KCNIP4: variants seen among roughly 807,000 people sequenced by gnomAD.
KCNIP4 encodes the protein Kv channel-interacting protein 4.
A neutral mutation model predicts 34.0 loss-of-function variants in KCNIP4; 12 were observed. That is an observed-to-expected ratio of 0.35 (90% CI 0.23 to 0.57). The LOEUF (loss-of-function observed/expected upper bound fraction) is 0.57. Ranked by LOEUF, KCNIP4 falls within the 20% of genes least tolerant of loss-of-function variation. KCNIP4 has a pLI of 0.83. For synonymous variants in KCNIP4, 124 were observed against 102.2 expected, an observed-to-expected ratio of 1.21 and a Z score of -1.29; for missense variants, 238 against 311.7, an observed-to-expected ratio of 0.76 and a Z score of 1.78.
At chr4:21,247,019 C>T (rs897809665) in intron 1 of KCNIP4, among the ~76,000 whole-genome samples, 2 of 152,046 alleles carry the variant, frequency 1.3e-5, no homozygotes, top group African/African-American at 4.8e-5. Context: ...GATTATATTG[C>T]TAATATCCTG....
intron 1 of KCNIP4, among the ~76,000 whole-genome samples, chr4:21,118,789 A>C (rs997224764): frequency 1.3e-5 from 2 of 151,582 alleles, no homozygotes; most frequent in Non-Finnish European, 2.9e-5. Context: ...GGAAGGGGGA[A>C]GGCAGAATGA....
intron 1 of KCNIP4, among the ~76,000 whole-genome samples, chr4:21,302,357 A>G (rs2109245353): frequency 6.6e-6 from 1 of 152,356 alleles, no homozygotes; most frequent in Middle Eastern, 3.4e-3. Context: ...CATCCATGAA[A>G]TGAGATGAAA....
intron 1 of KCNIP4, among the ~76,000 whole-genome samples, chr4:21,486,774 T>C (rs1267004186): frequency 2.6e-5 from 4 of 152,178 alleles, no homozygotes; most frequent in African/African-American, 9.6e-5. Flanking sequence ...CATTTTATAT[T>C]GCTATGGCAC....
intron 1 of KCNIP4, among the ~76,000 whole-genome samples, chr4:21,415,502 A>G (rs1314625102): frequency 4.0e-5 from 6 of 151,066 alleles, no homozygotes; most frequent in Non-Finnish European, 1.5e-5. Context: ...GACCAGCCTG[A>G]CCAACATGGC....
chr4:21,478,741 T>G (rs930398828), intron 1 of KCNIP4, among the ~76,000 whole-genome samples: 3 of 152,192 alleles, frequency 2.0e-5, no homozygotes, highest in African/African-American at 4.8e-5. Context: ...AATTTCGGAA[T>G]AGGTTTCTCA....
At chr4:20,754,903 C>G (rs1466526224) in intron 4 of KCNIP4, among the ~76,000 whole-genome samples, 1 of 152,082 alleles carries the variant, frequency 6.6e-6, no homozygotes, top group East Asian at 1.9e-4. Flanking sequence ...TGCATTGGTG[C>G]TTTGATATTA....
At chr4:21,203,285 C>T (rs139244912) in intron 1 of KCNIP4, among the ~76,000 whole-genome samples, 51 of 152,238 alleles carry the variant, frequency 3.4e-4, no homozygotes, top group African/African-American at 1.1e-3. Context: ...CAGAGTGAAC[C>T]GCTCAAAGTC....
At chr4:20,844,543 G>C (rs577146244) in intron 3 of KCNIP4, among the ~76,000 whole-genome samples, 1 of 152,114 alleles carries the variant, frequency 6.6e-6, no homozygotes. Context: ...CTATGAAAGC[G>C]TTCAAGAATA....
intron 1 of KCNIP4, among the ~76,000 whole-genome samples, chr4:21,766,643 C>A (rs944492982): frequency 2.0e-5 from 3 of 152,146 alleles, no homozygotes; most frequent in African/African-American, 7.2e-5. Flanking sequence ...AGTCTTCCCA[C>A]AATTTCATAA....
intron 3 of KCNIP4, among the ~76,000 whole-genome samples, chr4:20,768,568 G>GT (rs1307699681): frequency 6.6e-6 from 1 of 152,156 alleles, no homozygotes; most frequent in Non-Finnish European, 1.5e-5. Context: ...ATGCCCAGGT[G>GT]TTTGAACTCC....
At chr4:21,668,886 G>T (rs2109003821) in intron 1 of KCNIP4, among the ~76,000 whole-genome samples, 1 of 152,028 alleles carries the variant, frequency 6.6e-6, no homozygotes, top group African/African-American at 2.4e-5. Context: ...AACTGCATGG[G>T]CCCACTTGCG....
intron 1 of KCNIP4, chr4:21,316,342 G>T (rs1428821376): frequency 6.6e-6 from 1 of 152,116 alleles, no homozygotes; most frequent in African/African-American, 2.4e-5. Context: ...AAATGAAGGA[G>T]GAATGGAAAG....
rs1008944300 is a variant in KCNIP4 at position 20,863,918 on chromosome 4, GCTCT to G, written c.164-13255_164-13252del. Among the ~76,000 whole-genome samples, 131 of 151,804 alleles carry G rather than the reference GCTCT, an allele frequency of 8.6e-4. 1 individual carries two copies. The highest frequency in any genetic ancestry group is 2.4e-4 in the Non-Finnish European group (16 of 67,900). ...TATTTATAGCATTTGTTTTGTGTAA[GCTCT>G]CTCTTTCATGAGTGTATATGTATAT... On this transcript the variant is annotated intron_variant, in intron 2 of 8. Coordinates refer to ENST00000382152, the MANE Select transcript of KCNIP4 (RefSeq NM_025221.6).
intron 1 of KCNIP4, among the ~76,000 whole-genome samples, chr4:21,143,525 C>T (rs2109218704): frequency 6.6e-6 from 1 of 152,152 alleles, no homozygotes; most frequent in East Asian, 1.9e-4. Context: ...TGATTTTGGC[C>T]TTATGAAACC....
intron 1 of KCNIP4, among the ~76,000 whole-genome samples, chr4:21,830,575 G>C (rs1441779183): frequency 6.6e-6 from 1 of 152,094 alleles, no homozygotes; most frequent in Non-Finnish European, 1.5e-5. Flanking sequence ...TCAGGAAGCT[G>C]TGGCTGGAGA....
intron 1 of KCNIP4, among the ~76,000 whole-genome samples, chr4:21,594,544 G>C (rs1041965624): frequency 6.6e-6 from 1 of 151,986 alleles, no homozygotes; most frequent in Admixed American, 6.6e-5. Context: ...GTAAGTCTTT[G>C]GTAAATAGAA....
At chr4:20,985,831 A>G (rs907530183) in intron 1 of KCNIP4, among the ~76,000 whole-genome samples, 1 of 152,204 alleles carries the variant, frequency 6.6e-6, no homozygotes, top group Non-Finnish European at 1.5e-5. Flanking sequence ...GTAACTGTCC[A>G]TAATGGTAAC....
intron 1 of KCNIP4, among the ~76,000 whole-genome samples, chr4:21,579,534 C>T (rs1368277109): frequency 6.6e-6 from 1 of 151,960 alleles, no homozygotes; most frequent in Non-Finnish European, 1.5e-5. Flanking sequence ...TCTATATATC[C>T]ATTCATGCAT....
chr4:21,423,195 G>A (rs1424651460), intron 1 of KCNIP4, among the ~76,000 whole-genome samples: 3 of 152,114 alleles, frequency 2.0e-5, no homozygotes, highest in Admixed American at 6.5e-5. Context: ...TAGGTAGGAG[G>A]AAAAGCAACA....
Sources: allele counts gnomAD v4.1 joint callset (sites outside exome capture counted in the v4.1 genomes callset), GRCh38; gene constraint gnomAD v4.1.1; transcripts MANE v1.5; gene names NCBI Gene and HGNC (gene_info 2026-07-23, HGNC 2026-07-21).